CFAP299: variants seen among roughly 807,000 people sequenced by gnomAD.
The protein encoded by CFAP299 is cilia and flagella associated protein 299, also known as cilia- and flagella-associated protein 299.
Under a neutral mutation model 27.0 loss-of-function variants are expected in CFAP299, and 21 were observed. The ratio of observed to expected loss-of-function variants is 0.78; its 90% CI spans 0.55 to 1.12. The LOEUF (loss-of-function observed/expected upper bound fraction) is 1.12. Ranked by LOEUF, CFAP299 falls within the 50% of genes most tolerant of loss-of-function variation. The pLI is 0.00. For synonymous variants in CFAP299, 104 were observed against 98.1 expected (o/e 1.06, Z -0.36); for missense variants, 310 against 276.6 (o/e 1.12, Z -0.86).
intron 2 of CFAP299, among the ~76,000 whole-genome samples, chr4:80,433,494 T>C (rs1727921701): frequency 6.6e-6 from 1 of 152,158 alleles, no homozygotes; most frequent in African/African-American, 2.4e-5. Flanking sequence ...TTCTCAAAAC[T>C]ATAATTGAAT....
At chr4:80,810,978 A>G (rs1030052867) in intron 3 of CFAP299, among the ~76,000 whole-genome samples, 2 of 152,080 alleles carry the variant, frequency 1.3e-5, no homozygotes, top group Non-Finnish European at 2.9e-5. Context: ...TTGTACCTGC[A>G]TATGTCTGTC....
chr4:80,896,026 T>C (rs1238984101), intron 4 of CFAP299, among the ~76,000 whole-genome samples: 3 of 152,068 alleles, frequency 2.0e-5, no homozygotes, highest in South Asian at 2.1e-4. Context: ...TGAATTTTAG[T>C]TTATGAACAA....
chr4:80,844,251 T>A (rs1291822331), intron 3 of CFAP299, among the ~76,000 whole-genome samples: 2 of 152,176 alleles, frequency 1.3e-5, no homozygotes, highest in African/African-American at 4.8e-5. Context: ...TGATTTATAG[T>A]CCTTTGGGTA....
intron 3 of CFAP299, among the ~76,000 whole-genome samples, chr4:80,705,381 G>T (rs1411776694): frequency 1.3e-5 from 2 of 151,822 alleles, no homozygotes; most frequent in African/African-American, 4.8e-5. Context: ...GAAAGATCAT[G>T]GATGTTGGTG....
intron 2 of CFAP299, among the ~76,000 whole-genome samples, chr4:80,450,992 A>G (rs945336792): frequency 9.9e-5 from 15 of 152,076 alleles, no homozygotes; most frequent in Admixed American, 9.2e-4. Flanking sequence ...GGTAGCAGCC[A>G]TCCAGCCTAT....
intron 2 of CFAP299, among the ~76,000 whole-genome samples, chr4:80,576,187 T>TAAA (rs760438865): frequency 1.5e-3 from 213 of 142,094 alleles, no homozygotes; most frequent in African/African-American, 5.3e-3. Context: ...AGTATAATAA[T>TAAA]AAAAAAAAAA....
chr4:80,364,713 C>A (rs1365690133), intron 2 of CFAP299, among the ~76,000 whole-genome samples: 1 of 152,108 alleles, frequency 6.6e-6, no homozygotes, highest in Admixed American at 6.6e-5. Context: ...GGTATTAAGC[C>A]CAGCATCTAT....
intron 3 of CFAP299, among the ~76,000 whole-genome samples, chr4:80,770,626 A>T (rs1368888399): frequency 6.6e-6 from 1 of 151,912 alleles, no homozygotes; most frequent in Non-Finnish European, 1.5e-5. Context: ...ATAAATTTAT[A>T]AAAAATGTGT....
intron 2 of CFAP299, chr4:80,386,836 C>A: frequency 1.1e-6 from 1 of 889,584 alleles, no homozygotes; most frequent in African/African-American, 1.6e-5. Flanking sequence ...GCTGGTGGAT[C>A]AACATGTCTC....
chr4:80,453,191 C>CT (rs543031843), intron 2 of CFAP299, among the ~76,000 whole-genome samples: 1 of 151,860 alleles, frequency 6.6e-6, no homozygotes, highest in Admixed American at 6.6e-5. Context: ...AACTCAATCC[C>CT]TTTTTTTTAT....
intron 3 of CFAP299, among the ~76,000 whole-genome samples, chr4:80,822,554 G>T (rs988456025): frequency 1.3e-5 from 2 of 152,076 alleles, no homozygotes; most frequent in African/African-American, 4.8e-5. Flanking sequence ...CATCATAGGA[G>T]AAATAAAGAA....
chr4:80,718,909 G>T (rs1722647779), intron 3 of CFAP299, among the ~76,000 whole-genome samples: 1 of 152,118 alleles, frequency 6.6e-6, no homozygotes, highest in Admixed American at 6.5e-5. Context: ...ATTGATGACA[G>T]ATTGGATAAA....
intron 3 of CFAP299, among the ~76,000 whole-genome samples, chr4:80,598,704 C>T (rs1222364794): frequency 6.6e-6 from 1 of 152,128 alleles, no homozygotes; most frequent in Non-Finnish European, 1.5e-5. Flanking sequence ...AGGATTATAT[C>T]CTAAAATCTC....
intron 3 of CFAP299, among the ~76,000 whole-genome samples, chr4:80,676,483 G>T (rs1295473386): frequency 6.6e-6 from 1 of 152,110 alleles, no homozygotes; most frequent in African/African-American, 2.4e-5. Flanking sequence ...AATAAGTTTA[G>T]AGGTATTCCC....
At chr4:80,507,416 G>T (rs555161371) in intron 2 of CFAP299, among the ~76,000 whole-genome samples, 1 of 152,228 alleles carries the variant, frequency 6.6e-6, no homozygotes, top group Admixed American at 6.5e-5. Context: ...CCTTTATAAA[G>T]ATATAAGAGA....
At position 80,350,835 on chromosome 4, in the gene CFAP299, G is replaced by A. The variant is rs144355194; in HGVS notation, c.112-11919G>A. Among the ~76,000 whole-genome samples, 385 of 152,172 alleles carry A rather than the reference G, an allele frequency of 2.5e-3. 3 individuals are homozygous for A. The highest frequency in any genetic ancestry group is 1.6e-3 in the Non-Finnish European group (109 of 68,018). On this transcript the variant is annotated intron_variant, in intron 1 of 5. Coordinates refer to ENST00000358105, the MANE Select transcript of CFAP299 (RefSeq NM_152770.3). ...ATTAGGACAAATGGCTAATGCTTGC[G>A]GGGCTGAAAACCTAGATGATGGATT...
chr4:80,465,642 C>T lies in CFAP299; in HGVS notation c.242+102758C>T, dbSNP rs116502331. 4.4e-3 allele frequency among the ~76,000 whole-genome samples: 677 copies of T among 152,208 alleles called. 12 individuals are homozygous for T. The highest frequency in any genetic ancestry group is 0.016 in the African/African-American group (652 of 41,528). On this transcript the variant is annotated intron_variant, in intron 2 of 5. Coordinates refer to ENST00000358105, the MANE Select transcript of CFAP299 (RefSeq NM_152770.3). ...AAATAGGTCCTTGGCCTCCCAAACC[C>T]CTATGTACCCCATGCCCTGGAAGAG... is the stretch of plus-strand genomic sequence containing the variant.
chr4:80,405,991 G>T (rs985004899), intron 2 of CFAP299, among the ~76,000 whole-genome samples: 4 of 152,004 alleles, frequency 2.6e-5, no homozygotes, highest in Non-Finnish European at 1.5e-5. Flanking sequence ...AGCATTATGG[G>T]TTATGTTTTT....
intron 3 of CFAP299, among the ~76,000 whole-genome samples, chr4:80,772,766 A>C (rs1331738204): frequency 6.6e-6 from 1 of 151,978 alleles, no homozygotes; most frequent in East Asian, 1.9e-4. Context: ...CCCTGTGTCC[A>C]TGTGTTCTCA....
Sources: allele counts gnomAD v4.1 joint callset (sites outside exome capture counted in the v4.1 genomes callset), GRCh38; gene constraint gnomAD v4.1.1; transcripts MANE v1.5; gene names NCBI Gene and HGNC (gene_info 2026-07-23, HGNC 2026-07-21).